Variants in CD47 observed in about 807,000 individuals in gnomAD.
CD47 encodes the protein leukocyte surface antigen CD47.
CD47 carries 11 observed loss-of-function variants against 44.6 expected under a neutral mutation model. The ratio of observed to expected loss-of-function variants is 0.25; its 90% CI spans 0.16 to 0.41. The LOEUF is 0.41. Among genes scored for constraint, CD47 ranks in the 10% least tolerant of loss-of-function variants. The probability of loss-of-function intolerance (pLI) is 1.00; values close to 1 mark genes in which losing one functional copy is unlikely to be tolerated. For missense variants in CD47, 306 were observed against 386.7 expected, an observed-to-expected ratio of 0.79 and a Z score of 1.75; for synonymous variants, 140 against 136.3, an observed-to-expected ratio of 1.03 and a Z score of -0.19.
intron 7 of CD47, chr3:108,052,187 C>A (rs2078840049): frequency 2.6e-6 from 1 of 381,874 alleles, no homozygotes; most frequent in Non-Finnish European, 4.9e-6. Context: ...CCATCTACAT[C>A]AAATAGTAAA....
intron 5 of CD47, 31 bp downstream of exon 5, chr3:108,059,421 A>G (rs1045179425): frequency 1.5e-5 from 17 of 1,104,838 alleles, no homozygotes; most frequent in Non-Finnish European, 2.2e-5. Context: ...AAAAAGGTAG[A>G]CAAAATCATA....
intron 10 of CD47, among the ~76,000 whole-genome samples, 168 bp from the exon 11 acceptor site, chr3:108,047,460 T>C (rs933532501): frequency 1.3e-5 from 2 of 152,174 alleles, no homozygotes; most frequent in African/African-American, 4.8e-5. Context: ...CTTTTTAATT[T>C]CAGTAAGAAA....
At position 108,049,628 on chromosome 3, in the gene CD47, T is replaced by C. The variant is rs758415149; in HGVS notation, c.958A>G (p.Met320Val). The change falls in exon 10 of 11, where the codon ATG becomes GTG. Residue 320 changes from methionine (M) to valine (V), a missense_variant. Physicochemically the swap from Met to Val is conservative, Grantham distance 21. This residue lies in a region of CD47 where 131 missense variants were observed against 135.3 expected (regional missense o/e 0.97). Coordinates refer to ENST00000361309, the MANE Select transcript of CD47 (RefSeq NM_001777.4). ...LNAFKESKGM[M>V]NDE ...TGCATTTTATACTTACCATCATTCATCATTCCTTTTGATTCTTTGAATGCT... is the reference window on the plus strand; with the variant it reads ...TGCATTTTATACTTACCATCATTCACCATTCCTTTTGATTCTTTGAATGCT... 1.9e-6 allele frequency: 3 copies of C among 1,591,314 alleles called. No individual in the cohort carries two copies. The highest frequency in any genetic ancestry group is 2.6e-6 in the Non-Finnish European group (3 of 1,159,310).
In CD47 at chr3:108,058,431, TGGAGGAA is replaced by T; in HGVS notation, c.692-9_692-3del. ...TGACGAAGGAGGTTAATCCAATCGC[TGGAGGAA>T]GGAAAAGGATGTAACAGAAGCATGT... On this transcript the variant is annotated splice_polypyrimidine_tract_variant and splice_region_variant and intron_variant, in intron 5 of 10. Coordinates refer to ENST00000361309, the MANE Select transcript of CD47 (RefSeq NM_001777.4). 6.4e-7 allele frequency: 1 copy of T among 1,550,540 alleles called. No homozygotes were observed.
At chr3:108,066,497 G>A (rs765090) in intron 3 of CD47, among the ~76,000 whole-genome samples, 57,924 of 152,088 alleles carry the variant, frequency 0.38, 11,721 homozygotes, top group Non-Finnish European at 0.45. Flanking sequence ...ATCATGATCA[G>A]TGATCAACCA....
intron 1 of CD47, among the ~76,000 whole-genome samples, chr3:108,086,072 G>C (rs1378594847): frequency 6.6e-6 from 1 of 152,080 alleles, no homozygotes; most frequent in Non-Finnish European, 1.5e-5. Context: ...TTTCTAGGCA[G>C]AGTAACGTGT....
At chr3:108,052,885 C>T (rs2078852857) in intron 7 of CD47, 1 of 152,398 alleles carries the variant, frequency 6.6e-6, no homozygotes, top group African/African-American at 2.4e-5. Flanking sequence ...GAGGATCTCC[C>T]TCGTCCTGGG....
chr3:108,087,786 G>A (rs758318794), intron 1 of CD47, among the ~76,000 whole-genome samples: 10 of 152,124 alleles, frequency 6.6e-5, no homozygotes, highest in Non-Finnish European at 1.3e-4. Context: ...CATGGATTTG[G>A]AATGAAATAT....
rs140516523 is a variant in CD47, at chr3:108,086,958, C to T, written c.46+3905G>A. On this transcript the variant is annotated intron_variant, in intron 1 of 10. Transcript: ENST00000361309. ...AGCTGGATGACGGAAGAGAATGAGACGAAGGTTATCTAAGATGTTATAGAT... is the reference window on the plus strand; with the variant it reads ...AGCTGGATGACGGAAGAGAATGAGATGAAGGTTATCTAAGATGTTATAGAT... Among the ~76,000 whole-genome samples, 1,252 of 152,104 alleles carry T rather than the reference C, an allele frequency of 8.2e-3. 18 individuals carry two copies. The highest frequency in any genetic ancestry group is 0.029 in the African/African-American group (1,202 of 41,502).
chr3:108,070,918 C>T (rs910022066), intron 3 of CD47, among the ~76,000 whole-genome samples, 175 bp downstream of exon 3: 11 of 152,132 alleles, frequency 7.2e-5, no homozygotes, highest in Non-Finnish European at 1.5e-4. Context: ...TGAACTGCAG[C>T]AAAATGTGGG....
At chr3:108,071,340 T>C (rs1487009069) in intron 2 of CD47, among the ~76,000 whole-genome samples, 158 bp from the exon 3 acceptor site, 1 of 152,192 alleles carries the variant, frequency 6.6e-6, no homozygotes, top group African/African-American at 2.4e-5. Context: ...CACATATACA[T>C]AAAACAAATT....
At chr3:108,088,657 A>C (rs2079568001) in intron 1 of CD47, among the ~76,000 whole-genome samples, 1 of 152,190 alleles carries the variant, frequency 6.6e-6, no homozygotes, top group African/African-American at 2.4e-5. Flanking sequence ...AACAAAGAGG[A>C]ATCATTCAAC....
At chr3:108,048,379 T>A (rs546709537) in intron 10 of CD47, among the ~76,000 whole-genome samples, 16,173 of 129,436 alleles carry the variant, frequency 0.12, 1,232 homozygotes, top group Middle Eastern at 0.19. Context: ...GTGTTTTTTT[T>A]TTTTTTTTTT....
In CD47 at chr3:108,089,355, A is replaced by T. The variant is rs1005463199; in HGVS notation, c.46+1508T>A. 1.1e-4 allele frequency among the ~76,000 whole-genome samples: 16 copies of T among 152,242 alleles called. 1 individual carries two copies. Among genetic ancestry groups the T allele is most frequent in the Admixed American group, 8.5e-4 (13 of 15,286 alleles). On this transcript the variant is annotated intron_variant, in intron 1 of 10. Transcript: ENST00000361309. ...TAACTATTACTAAAGAAGGCCTAAC[A>T]TAAATCCTATCACTCAAAGTACCAT...
chr3:108,081,265 A>C (rs1161186860), intron 1 of CD47, among the ~76,000 whole-genome samples: 49 of 151,992 alleles, frequency 3.2e-4, no homozygotes, highest in Admixed American at 3.2e-3. Context: ...TTCAACTAAA[A>C]TGTACAAGAA....
At chr3:108,054,220 A>C (rs986098446) in intron 7 of CD47, 3 of 152,170 alleles carry the variant, frequency 2.0e-5, no homozygotes, top group African/African-American at 7.2e-5. Context: ...CTGTCTCTAA[A>C]AACAAAACAA....
chr3:108,071,428 GT>G (rs1288298772), intron 2 of CD47, among the ~76,000 whole-genome samples: 1 of 152,050 alleles, frequency 6.6e-6, no homozygotes, highest in Non-Finnish European at 1.5e-5. Flanking sequence ...TTTTTCTTAT[GT>G]TTCACGGGAG....
In CD47 at chr3:108,047,811, A is replaced by T. The variant is rs76731835; in HGVS notation, c.968-519T>A. Among the ~76,000 whole-genome samples, 548 of 152,354 alleles carry T rather than the reference A, an allele frequency of 3.6e-3. 6 individuals carry two copies. Among genetic ancestry groups the T allele is most frequent in the African/African-American group, 0.013 (525 of 41,572 alleles). ...GACATTTTAAAAACAAATTCTGATC[A>T]GCTGAATATTAGCAAAATTAAGAGA... On this transcript the variant is annotated intron_variant, in intron 10 of 10. Transcript: ENST00000361309.
At chr3:108,070,907 G>C (rs1218439038) in intron 3 of CD47, among the ~76,000 whole-genome samples, 186 bp downstream of exon 3, 1 of 152,078 alleles carries the variant, frequency 6.6e-6, no homozygotes, top group Non-Finnish European at 1.5e-5. Context: ...GGAATTAAAA[G>C]TGAACTGCAG....
Sources: gnomAD v4.1 joint callset for allele counts (sites outside exome capture counted in the v4.1 genomes callset) on GRCh38, gnomAD v4.1.1 for gene constraint, gnomAD v4.1.1 regional missense constraint, MANE v1.5 for transcripts, NCBI Gene and HGNC (gene_info 2026-07-23, HGNC 2026-07-21) for gene names.